The following FBLIM1 variants were observed in gnomAD, a reference collection of about 807,000 sequenced individuals.
The protein encoded by FBLIM1 is filamin binding LIM protein 1, also known as filamin-binding LIM protein 1.
In FBLIM1, 29 loss-of-function variants were observed where a neutral mutation model predicts 37.4. The ratio of observed to expected loss-of-function variants is 0.77; its 90% CI spans 0.58 to 1.06. The LOEUF is 1.06. FBLIM1 is among the 50% of genes least tolerant of loss of function. The pLI is 0.00. For missense variants in FBLIM1, 449 were observed against 505.6 expected (o/e 0.89, Z 1.07); for synonymous variants, 193 against 199.0 (o/e 0.97, Z 0.25).
intron 8 of FBLIM1, among the ~76,000 whole-genome samples, chr1:15,781,266 G>A (rs934289164): frequency 2.0e-5 from 3 of 152,060 alleles, no homozygotes; most frequent in Admixed American, 6.6e-5. Context: ...GGTGAGTCAG[G>A]GGAATTTCTT....
At chr1:15,776,114 C>T (rs918138218) in intron 7 of FBLIM1, among the ~76,000 whole-genome samples, 2 of 152,020 alleles carry the variant, frequency 1.3e-5, no homozygotes, top group African/African-American at 2.4e-5. Context: ...TAGACAAAAA[C>T]ATATATAAAA....
rs566283232 is a variant in FBLIM1, at chr1:15,763,442, T to C, written c.-210-1054T>C. Among the ~76,000 whole-genome samples the C allele has an allele frequency of 4.4e-4, 66 of 150,946 alleles. 1 individual carries two copies. In the East Asian group the frequency reaches 6.8e-3, roughly 15 times the overall value. ...GGTCAGGAGATCAAGACCATCCTGG[T>C]TAACATGGTGAAACCCCATCACTAC... On this transcript the variant is annotated intron_variant, in intron 1 of 8. Coordinates refer to ENST00000375766, the MANE Select transcript of FBLIM1 (RefSeq NM_017556.4).
Position 15,768,382 on chromosome 1 carries a change from C to T in FBLIM1, c.439-146C>T, listed in dbSNP as rs1383931080. ...CCACTGTGACCTTCCTGCTGAGAGACTTACGCAGGTCCCTTGCTTCCCTGG... is the reference window on the plus strand; with the variant it reads ...CCACTGTGACCTTCCTGCTGAGAGATTTACGCAGGTCCCTTGCTTCCCTGG... On this transcript the variant is annotated intron_variant, in intron 4 of 8. Coordinates refer to ENST00000375766, the MANE Select transcript of FBLIM1 (RefSeq NM_017556.4). The T allele has an allele frequency of 4.8e-5, 25 of 521,960 alleles. No individual in the cohort carries two copies. In the Admixed American group the frequency reaches 9.5e-4, roughly 20 times the overall value. The allele number at this position is 521,960 out of a possible 1,614,324, so 32.3% of individuals were successfully genotyped here. A position where few individuals can be genotyped will look rare whatever the true frequency, so the allele number is the denominator to read the frequency against.
chr1:15,781,317 C>A (rs2069629614), intron 8 of FBLIM1, among the ~76,000 whole-genome samples: 1 of 151,842 alleles, frequency 6.6e-6, no homozygotes. Flanking sequence ...GAGATTGCAC[C>A]ACTGCACTCC....
Position 15,774,667 on chromosome 1 carries a change from T to C in FBLIM1, c.761T>C (p.Ile254Thr). 1 of 1,613,936 alleles carries C rather than the reference T, an allele frequency of 6.2e-7. No homozygotes were observed. Among genetic ancestry groups the C allele is most frequent in the Non-Finnish European group, 8.5e-7 (1 of 1,179,988 alleles). The change falls in exon 7 of 9, where the codon ATC (isoleucine) becomes ACC (threonine). Residue 254 changes from isoleucine (I) to threonine (T), a missense_variant. Coordinates refer to ENST00000375766, the MANE Select transcript of FBLIM1 (RefSeq NM_017556.4). ...GKCGEVVRDH[I>T]IRALGQAFHP... is the part of the protein sequence containing the mutation. ...TGTGGCGAGGTGGTCCGGGACCACATCATCAGGGCCCTGGGCCAGGCCTTC... is the reference window on the plus strand; with the variant it reads ...TGTGGCGAGGTGGTCCGGGACCACACCATCAGGGCCCTGGGCCAGGCCTTC...
intron 8 of FBLIM1, among the ~76,000 whole-genome samples, chr1:15,780,266 T>C (rs1410718091): frequency 2.0e-5 from 3 of 152,012 alleles, no homozygotes; most frequent in Non-Finnish European, 4.4e-5. Flanking sequence ...TGGCGCTATC[T>C]CGGCTCACTG....
intron 1 of FBLIM1, among the ~76,000 whole-genome samples, chr1:15,760,066 AT>A (rs1242086064): frequency 6.6e-6 from 1 of 151,404 alleles, no homozygotes; most frequent in Non-Finnish European, 1.5e-5. Context: ...TCTACTAAAA[AT>A]ACAAAAATTA....
At chr1:15,761,239 C>G (rs1306457639) in intron 1 of FBLIM1, among the ~76,000 whole-genome samples, 1 of 152,164 alleles carries the variant, frequency 6.6e-6, no homozygotes, top group Non-Finnish European at 1.5e-5. Context: ...AGAGTGAGAA[C>G]AGGCCTGGGA....
rs960832163 is a variant in FBLIM1 at position 15,763,448 on chromosome 1, T to C, written c.-210-1048T>C. Among the ~76,000 whole-genome samples the C allele has an allele frequency of 8.6e-5, 13 of 150,888 alleles. No homozygotes were observed. The East Asian group carries it at 1.3e-3, about 15-fold the overall frequency. ...GAGATCAAGACCATCCTGGTTAACA[T>C]GGTGAAACCCCATCACTACTAAAAA... On this transcript the variant is annotated intron_variant, in intron 1 of 8. Coordinates refer to ENST00000375766, the MANE Select transcript of FBLIM1 (RefSeq NM_017556.4).
intron 8 of FBLIM1, among the ~76,000 whole-genome samples, chr1:15,780,183 G>A (rs2069599952): frequency 6.6e-6 from 1 of 151,860 alleles, no homozygotes; most frequent in Non-Finnish European, 1.5e-5. Context: ...GAGCCACTGC[G>A]CACGGCCTGA....
rs2069398603 is a variant in FBLIM1 at position 15,774,609 on chromosome 1, C to T, written c.712-9C>T. The T allele has an allele frequency of 2.5e-6, 4 of 1,604,874 alleles. No individual in the cohort carries two copies. The South Asian group carries it at 3.3e-5, about 13-fold the overall frequency. ...TCGTGGATGGTTCTGGCAGTGGCCTCTGTCCTAGGACACACTGGAGAGGTG... is the reference window on the plus strand; with the variant it reads ...TCGTGGATGGTTCTGGCAGTGGCCTTTGTCCTAGGACACACTGGAGAGGTG... On this transcript the variant is annotated splice_polypyrimidine_tract_variant and intron_variant, in intron 6 of 8. Coordinates refer to ENST00000375766, the MANE Select transcript of FBLIM1 (RefSeq NM_017556.4).
Position 15,783,569 on chromosome 1 carries a change from C to CTTTT in FBLIM1, c.1009-958_1009-955dup, listed in dbSNP as rs58141962. On this transcript the variant is annotated intron_variant, in intron 8 of 8. Coordinates refer to ENST00000375766, the MANE Select transcript of FBLIM1 (RefSeq NM_017556.4). The stretch of plus-strand genomic sequence containing the variant: ...GTTCCTGTCTCGTAGAACTTACGTT[C>CTTTT]TTTTTTTTTTTTTTTTTTTTTTTTG... Among the ~76,000 whole-genome samples the CTTTT allele has an allele frequency of 7.6e-3, 621 of 81,216 alleles. 7 individuals are homozygous for CTTTT. The highest frequency in any genetic ancestry group is 0.011 in the African/African-American group (215 of 20,472). 53.3% of individuals were successfully genotyped at this position (81,216 alleles called of 152,430 possible).
intron 1 of FBLIM1, among the ~76,000 whole-genome samples, chr1:15,761,963 C>T (rs1245778800): frequency 6.6e-6 from 1 of 152,196 alleles, no homozygotes; most frequent in Non-Finnish European, 1.5e-5. Flanking sequence ...GCTTTCCCAC[C>T]CATGGCCCCA....
chr1:15,783,527 A>G lies in FBLIM1; in HGVS notation c.1009-1021A>G, dbSNP rs553341022. ...ACCCATGGCCTGTGCTGGGATGGGG[A>G]CTTGGCCTTAAACAGGGTTCCTGTC... On this transcript the variant is annotated intron_variant, in intron 8 of 8. Coordinates refer to ENST00000375766, the MANE Select transcript of FBLIM1 (RefSeq NM_017556.4). Among the ~76,000 whole-genome samples, 30 of 147,176 alleles carry G rather than the reference A, an allele frequency of 2.0e-4. No homozygotes were observed. In the South Asian group the frequency reaches 6.7e-3, roughly 33 times the overall value.
chr1:15,772,938 C>T (rs1253823884), intron 6 of FBLIM1, among the ~76,000 whole-genome samples: 1 of 152,064 alleles, frequency 6.6e-6, no homozygotes, highest in East Asian at 1.9e-4. Context: ...TTGCCCACCA[C>T]CACGCCCGGC....
At chr1:15,759,796 T>C (rs544329039) in intron 1 of FBLIM1, among the ~76,000 whole-genome samples, 24 of 152,310 alleles carry the variant, frequency 1.6e-4, no homozygotes, top group Admixed American at 7.8e-4. Context: ...ACCTCCTCTG[T>C]TTCCCTGGGG....
rs749949218 is a variant in FBLIM1 at position 15,784,705 on chromosome 1, G to C, written c.*44G>C. The C allele has an allele frequency of 2.6e-6, 4 of 1,562,326 alleles. No individual in the cohort carries two copies. The South Asian group carries it at 4.5e-5, about 17-fold the overall frequency. On this transcript the variant is annotated 3_prime_UTR_variant, in exon 9 of 9. Coordinates refer to ENST00000375766, the MANE Select transcript of FBLIM1 (RefSeq NM_017556.4). ...GAACAGACCACTAGCCCCGGCTGGGGCCCTTCCCTGACTTGGTTTCCCTTC... is the reference window on the plus strand; with the variant it reads ...GAACAGACCACTAGCCCCGGCTGGGCCCCTTCCCTGACTTGGTTTCCCTTC...
chr1:15,770,331 C>A, intron 5 of FBLIM1, 78 bp from the exon 6 acceptor site: 1 of 1,490,594 alleles, frequency 6.7e-7, no homozygotes, highest in Non-Finnish European at 9.1e-7. Flanking sequence ...CTCGGGTATC[C>A]TGAGCATGTT....
At chr1:15,770,658 C>A in intron 6 of FBLIM1, 80 bp downstream of exon 6, 1 of 1,503,694 alleles carries the variant, frequency 6.7e-7, no homozygotes, top group Non-Finnish European at 9.0e-7. Flanking sequence ...ATTCCCCACA[C>A]AGTCCTGGGA....
Sources: allele counts gnomAD v4.1 joint callset (sites outside exome capture counted in the v4.1 genomes callset), GRCh38; gene constraint gnomAD v4.1.1; transcripts MANE v1.5; gene names NCBI Gene and HGNC (gene_info 2026-07-23, HGNC 2026-07-21).